SNX29: variants seen among roughly 807,000 people sequenced by gnomAD.
SNX29 encodes the protein sorting nexin 29, also known as sorting nexin-29.
In SNX29, 78 loss-of-function variants were observed where a neutral mutation model predicts 102.1. That is an observed-to-expected ratio of 0.76 (90% CI 0.64 to 0.92). SNX29 has a LOEUF of 0.92. SNX29 is among the 40% of genes least tolerant of loss of function. The probability of loss-of-function intolerance (pLI) is 0.00; values close to 1 mark genes in which losing one functional copy is unlikely to be tolerated. For missense variants in SNX29, 1,280 were observed against 1,061.7 expected (o/e 1.21, Z -2.86); for synonymous variants, 580 against 414.5 (o/e 1.40, Z -4.85).
chr16:12,116,654 A>G (rs945512881), intron 11 of SNX29, among the ~76,000 whole-genome samples: 1 of 152,232 alleles, frequency 6.6e-6, no homozygotes, highest in Non-Finnish European at 1.5e-5. Flanking sequence ...AGCCTGGGCC[A>G]CGGAGTGAGA....
At chr16:12,550,832 AGAT>A (rs1342546248) in intron 20 of SNX29, among the ~76,000 whole-genome samples, 2 of 152,226 alleles carry the variant, frequency 1.3e-5, no homozygotes, top group Non-Finnish European at 2.9e-5. Context: ...ACCTTTTTAC[AGAT>A]GATTTTTGAG....
intron 1 of SNX29, among the ~76,000 whole-genome samples, chr16:11,991,590 T>G (rs2055851040): frequency 6.6e-6 from 1 of 152,114 alleles, no homozygotes; most frequent in South Asian, 2.1e-4. Flanking sequence ...TCGCCCAGGC[T>G]GGAGTGCAGC....
chr16:12,032,171 GT>G (rs1187615567), intron 4 of SNX29, among the ~76,000 whole-genome samples: 2 of 148,424 alleles, frequency 1.3e-5, no homozygotes, highest in Non-Finnish European at 3.0e-5. Flanking sequence ...CCGTGTTGTA[GT>G]ATGTGTCAGA....
intron 17 of SNX29, among the ~76,000 whole-genome samples, chr16:12,401,661 G>A (rs911550966): frequency 1.3e-5 from 2 of 152,094 alleles, no homozygotes; most frequent in Non-Finnish European, 2.9e-5. Flanking sequence ...CCTGCACCCA[G>A]CCCACAACAG....
At chr16:12,345,753 C>T (rs1020994990) in intron 15 of SNX29, among the ~76,000 whole-genome samples, 2 of 152,258 alleles carry the variant, frequency 1.3e-5, no homozygotes, top group East Asian at 1.9e-4. Flanking sequence ...GGGGTGCAGC[C>T]GTATTCTCGT....
chr16:12,427,930 G>C (rs1169065319), intron 18 of SNX29, among the ~76,000 whole-genome samples: 2 of 152,230 alleles, frequency 1.3e-5, no homozygotes, highest in Non-Finnish European at 2.9e-5. Flanking sequence ...CAATTTAGCA[G>C]TTACCCGAAG....
intron 13 of SNX29, among the ~76,000 whole-genome samples, chr16:12,196,064 C>T (rs900859331): frequency 2.0e-5 from 3 of 151,034 alleles, no homozygotes; most frequent in African/African-American, 7.3e-5. Context: ...CAACCTCCAC[C>T]TCCCCGGCTC....
At chr16:12,562,824 T>G (rs75305241) in intron 20 of SNX29, among the ~76,000 whole-genome samples, 4,299 of 152,244 alleles carry the variant, frequency 0.028, 203 homozygotes, top group African/African-American at 0.098. Flanking sequence ...CCCCCAAATT[T>G]CCTAGCATTC....
At chr16:12,157,735 A>T (rs552527055) in intron 13 of SNX29, among the ~76,000 whole-genome samples, 2 of 152,092 alleles carry the variant, frequency 1.3e-5, no homozygotes, top group African/African-American at 4.8e-5. Context: ...CCCTGACCCC[A>T]AATTCCTTGC....
intron 13 of SNX29, chr16:12,135,737 A>G: frequency 1.5e-6 from 1 of 662,008 alleles, no homozygotes; most frequent in Non-Finnish European, 2.3e-6. Context: ...TCATTCCTTG[A>G]GCCATTTGTG....
intron 15 of SNX29, among the ~76,000 whole-genome samples, chr16:12,279,713 C>T (rs991789805): frequency 4.6e-5 from 7 of 152,228 alleles, no homozygotes; most frequent in African/African-American, 1.7e-4. Context: ...TCTGTACGTT[C>T]CACAGCCACT....
chr16:12,558,587 G>T (rs1218575608), intron 20 of SNX29, among the ~76,000 whole-genome samples: 1 of 152,208 alleles, frequency 6.6e-6, no homozygotes, highest in Admixed American at 6.5e-5. Context: ...CCATACACCT[G>T]TCACTCTCTG....
chr16:12,377,445 C>A (rs997029947), intron 16 of SNX29, among the ~76,000 whole-genome samples: 1 of 152,170 alleles, frequency 6.6e-6, no homozygotes, highest in Non-Finnish European at 1.5e-5. Context: ...TTACATGTCA[C>A]ATCTCTCTTA....
intron 19 of SNX29, among the ~76,000 whole-genome samples, chr16:12,501,470 C>G (rs1200837985): frequency 2.0e-5 from 3 of 151,862 alleles, no homozygotes; most frequent in African/African-American, 7.3e-5. Context: ...ACCTGTAATC[C>G]CAGCACTTTG....
intron 9 of SNX29, among the ~76,000 whole-genome samples, chr16:12,065,669 T>C (rs2051001453): frequency 6.6e-6 from 1 of 152,216 alleles, no homozygotes; most frequent in Non-Finnish European, 1.5e-5. Context: ...TTTACTGTTT[T>C]GGTTGTCAGT....
chr16:12,189,618 G>T (rs2076593626), intron 13 of SNX29, among the ~76,000 whole-genome samples: 1 of 152,070 alleles, frequency 6.6e-6, no homozygotes, highest in East Asian at 1.9e-4. Flanking sequence ...CTTCACTGTG[G>T]AGTTTCCCCT....
chr16:12,425,954 A>G (rs1197586566), intron 18 of SNX29, among the ~76,000 whole-genome samples: 2 of 152,024 alleles, frequency 1.3e-5, no homozygotes, highest in Non-Finnish European at 2.9e-5. Flanking sequence ...CAGAACCATC[A>G]CCCAGCCACA....
chr16:12,371,322 A>G (rs146683874), intron 16 of SNX29, among the ~76,000 whole-genome samples: 1,605 of 151,442 alleles, frequency 0.011, 29 homozygotes, highest in African/African-American at 0.037. Flanking sequence ...AAATAGAGAC[A>G]GGGTCTTTCT....
chr16:12,150,999 CT>C lies in SNX29; in HGVS notation c.1595+21242del, dbSNP rs562252685. Among the ~76,000 whole-genome samples, 400 of 152,292 alleles carry C rather than the reference CT, an allele frequency of 2.6e-3. 2 individuals are homozygous for C. The highest frequency in any genetic ancestry group is 4.8e-3 in the Non-Finnish European group (327 of 68,024). On this transcript the variant is annotated intron_variant, in intron 13 of 20. Coordinates refer to ENST00000566228, the MANE Select transcript of SNX29 (RefSeq NM_032167.5). ...AGCAAAGATACCTTTCCCCTGTCTG[CT>C]GTATGGCCACAGAGTCAAAATGTTA... is the stretch of plus-strand genomic sequence containing the variant.
Sources: allele counts gnomAD v4.1 joint callset (sites outside exome capture counted in the v4.1 genomes callset), GRCh38; gene constraint gnomAD v4.1.1; transcripts MANE v1.5; gene names NCBI Gene and HGNC (gene_info 2026-07-23, HGNC 2026-07-21).